PCNX1: variants seen among roughly 807,000 people sequenced by gnomAD.
The protein encoded by PCNX1 is pecanex-like protein 1.
In PCNX1, 78 loss-of-function variants were observed where a neutral mutation model predicts 242.2. The ratio of observed to expected loss-of-function variants is 0.32; its 90% CI spans 0.27 to 0.39. The LOEUF (loss-of-function observed/expected upper bound fraction) is 0.39, where lower values mean the gene tolerates loss of function less well. PCNX1 is among the 10% of genes least tolerant of loss of function. PCNX1 has a pLI of 1.00. For missense variants in PCNX1, 2,581 were observed against 2,856.5 expected, an observed-to-expected ratio of 0.90 and a Z score of 2.20; for synonymous variants, 1,024 against 1,032.9, an observed-to-expected ratio of 0.99 and a Z score of 0.17.
intron 5 of PCNX1, among the ~76,000 whole-genome samples, chr14:70,973,244 C>A (rs1453306275): frequency 6.9e-6 from 1 of 143,988 alleles, no homozygotes; most frequent in Non-Finnish European, 1.5e-5. Context: ...CAGAGCAACA[C>A]TCTGTCTCAA....
In PCNX1 at chr14:70,988,714, A is replaced by C. The variant is rs374544086; in HGVS notation, c.2444+15A>C. On this transcript the variant is annotated intron_variant, in intron 7 of 35. Transcript: ENST00000304743. ...TCACCCCTAAGGTATGGTATTTTCA[A>C]TTCCACCAAGTTTAGCATGCATGTA... 24 of 1,607,360 alleles carry C rather than the reference A, an allele frequency of 1.5e-5. No individual in the cohort carries two copies. Among genetic ancestry groups the C allele is most frequent in the Non-Finnish European group, 5.1e-6 (6 of 1,174,816 alleles).
rs749831114 is a variant in PCNX1, at chr14:71,009,684, G to T, written c.2680G>T (p.Val894Leu). 1 of 1,603,926 alleles carries T rather than the reference G, an allele frequency of 6.2e-7. No individual in the cohort carries two copies. The highest frequency in any genetic ancestry group is 8.5e-7 in the Non-Finnish European group (1 of 1,172,782). ...YETGGCDMSL[V>L]NFEPAARRAS... is the part of the protein sequence containing the mutation. ...GACTGGTGGCTGTGATATGTCACTT[G>T]TGAATTTTGAACCAGCAGCAAGAAG... is the stretch of plus-strand genomic sequence containing the variant. Residue 894 changes from valine to leucine, a missense_variant, in exon 9 of 36, where the codon GTG (valine) becomes TTG (leucine). Around this residue, in one of 9 missense-constraint regions of PCNX1, gnomAD observed 1,204 missense variants for 1,216.7 expected, o/e 0.99. Transcript: ENST00000304743.
intron 33 of PCNX1, among the ~76,000 whole-genome samples, 172 bp downstream of exon 33, chr14:71,105,612 G>A (rs1027964504): frequency 1.0e-4 from 15 of 150,170 alleles, no homozygotes; most frequent in African/African-American, 3.4e-4. Flanking sequence ...TCACAGTCTC[G>A]GCTCACTGCA....
chr14:70,917,095 C>T (rs2056180621), intron 1 of PCNX1, among the ~76,000 whole-genome samples: 1 of 152,238 alleles, frequency 6.6e-6, no homozygotes, highest in Non-Finnish European at 1.5e-5. Flanking sequence ...AATCCAGTCA[C>T]ATCTTCAGGC....
chr14:70,934,071 A>C (rs1015605860), intron 1 of PCNX1, among the ~76,000 whole-genome samples: 7 of 152,246 alleles, frequency 4.6e-5, no homozygotes, highest in South Asian at 4.1e-4. Context: ...TTTACCTTGC[A>C]AAGTGCTAGC....
At chr14:71,035,276 T>G (rs1483397866) in intron 18 of PCNX1, among the ~76,000 whole-genome samples, 1 of 152,116 alleles carries the variant, frequency 6.6e-6, no homozygotes, top group African/African-American at 2.4e-5. Context: ...TTTCCCCATA[T>G]GTGAAAGTAA....
rs762981633 is a variant in PCNX1 at position 71,076,228 on chromosome 14, G to A, written c.5146G>A (p.Glu1716Lys). The A allele has an allele frequency of 2.5e-6, 4 of 1,612,564 alleles. No individual in the cohort carries two copies. In the African/African-American group the frequency reaches 5.3e-5, roughly 22 times the overall value. The change falls in exon 28 of 36, where the codon GAG (glutamate) becomes AAG (lysine). Residue 1716 changes from glutamate (E) to lysine (K), a missense_variant. By Grantham distance (56) the Glu-to-Lys change is moderately conservative. Coordinates refer to ENST00000304743, the MANE Select transcript of PCNX1 (RefSeq NM_014982.3). Reference protein sequence around the residue: ...YYVTTSSKLEEWLANETMQEG... With the variant: ...YYVTTSSKLEKWLANETMQEG... The stretch of plus-strand genomic sequence containing the variant: ...TGTTACGACCTCGTCTAAGCTAGAG[G>A]AGTGGCTAGCTAATGAGACAATGCA...
chr14:71,085,240 T>C (rs1253556174), intron 28 of PCNX1, among the ~76,000 whole-genome samples: 1 of 152,194 alleles, frequency 6.6e-6, no homozygotes, highest in Non-Finnish European at 1.5e-5. Context: ...ATCACCTGCT[T>C]TCTGCCTTGA....
At chr14:71,079,081 T>C (rs2061787671) in intron 28 of PCNX1, among the ~76,000 whole-genome samples, 1 of 152,194 alleles carries the variant, frequency 6.6e-6, no homozygotes, top group African/African-American at 2.4e-5. Context: ...CTCCCACTTA[T>C]GAGTGAGAAC....
chr14:71,034,255 A>G (rs1038852393), intron 18 of PCNX1, among the ~76,000 whole-genome samples: 1 of 152,178 alleles, frequency 6.6e-6, no homozygotes, highest in Non-Finnish European at 1.5e-5. Flanking sequence ...ACAGAATACT[A>G]AACATTTATT....
chr14:71,077,662 T>C (rs544765828), intron 28 of PCNX1, among the ~76,000 whole-genome samples: 3 of 152,180 alleles, frequency 2.0e-5, no homozygotes, highest in Admixed American at 2.0e-4. Flanking sequence ...TTGGATAAAA[T>C]AACCTCACAA....
intron 2 of PCNX1, among the ~76,000 whole-genome samples, chr14:70,955,085 A>G (rs904657684): frequency 6.6e-6 from 1 of 152,200 alleles, no homozygotes; most frequent in African/African-American, 2.4e-5. Context: ...TCTCTCTTTT[A>G]TGTGGTACAG....
intron 8 of PCNX1, among the ~76,000 whole-genome samples, chr14:71,007,048 T>G (rs2140481661): frequency 6.6e-6 from 1 of 152,302 alleles, no homozygotes; most frequent in Middle Eastern, 3.4e-3. Flanking sequence ...GTTAAAATCA[T>G]AGCCTCTCTT....
intron 2 of PCNX1, among the ~76,000 whole-genome samples, chr14:70,957,246 C>T (rs553411344): frequency 6.6e-6 from 1 of 152,200 alleles, no homozygotes; most frequent in African/African-American, 2.4e-5. Context: ...ATCTTGGCCT[C>T]CCGCGTGCTA....
At chr14:71,057,469 T>C (rs1466377624) in intron 25 of PCNX1, 40 bp from the exon 26 acceptor site, 1 of 1,312,116 alleles carries the variant, frequency 7.6e-7, no homozygotes, top group Non-Finnish European at 1.1e-6. Flanking sequence ...CAAGAGGACT[T>C]AAGGTTAAAT....
chr14:70,991,688 C>T (rs1288490638), intron 7 of PCNX1, among the ~76,000 whole-genome samples: 4 of 152,118 alleles, frequency 2.6e-5, no homozygotes, highest in African/African-American at 4.8e-5. Context: ...TAGGGAGAAA[C>T]ACCAATTTAT....
intron 1 of PCNX1, among the ~76,000 whole-genome samples, chr14:70,910,584 G>C (rs1315560210): frequency 6.6e-6 from 1 of 152,110 alleles, no homozygotes; most frequent in Non-Finnish European, 1.5e-5. Context: ...TCTCATATAC[G>C]TGAGGCTTTC....
chr14:71,002,928 G>A (rs2059546498), intron 8 of PCNX1, among the ~76,000 whole-genome samples: 1 of 152,058 alleles, frequency 6.6e-6, no homozygotes, highest in South Asian at 2.1e-4. Context: ...GTATAGAATG[G>A]TAACTCATTG....
At chr14:71,108,576 G>T in intron 33 of PCNX1, 28 bp from the exon 34 acceptor site, 1 of 1,555,654 alleles carries the variant, frequency 6.4e-7, no homozygotes, top group East Asian at 2.3e-5. Context: ...ATTCTACTTT[G>T]AGTGAGTGCT....
Sources: gnomAD v4.1 joint callset for allele counts (sites outside exome capture counted in the v4.1 genomes callset) on GRCh38, gnomAD v4.1.1 for gene constraint, gnomAD v4.1.1 regional missense constraint, MANE v1.5 for transcripts, NCBI Gene and HGNC (gene_info 2026-07-23, HGNC 2026-07-21) for gene names.